The following WFDC1 variants were observed in gnomAD, a reference collection of about 807,000 sequenced individuals.
WFDC1 encodes WAP four-disulfide core domain 1.
In WFDC1, 39 loss-of-function variants were observed where a neutral mutation model predicts 32.9. That is an observed-to-expected ratio of 1.19 (90% CI 0.92 to 1.55). The LOEUF is 1.55. WFDC1 is among the 40% of genes most tolerant of loss of function. WFDC1 has a pLI of 0.00. For missense variants in WFDC1, 386 were observed against 309.5 expected (o/e 1.25, Z -1.85); for synonymous variants, 184 against 137.4 (o/e 1.34, Z -2.37).
rs747950638 is a variant in WFDC1, at chr16:84,311,384, A to ATTTTTTTTTTTTTTTTTTTT, written c.145-1569_145-1568insTTTTTTTTTTTTTTTTTTTT. 5.9e-5 allele frequency among the ~76,000 whole-genome samples: 7 copies of ATTTTTTTTTTTTTTTTTTTT among 118,344 alleles called. 1 individual carries two copies. Among genetic ancestry groups the ATTTTTTTTTTTTTTTTTTTT allele is most frequent in the East Asian group, 2.9e-4 (1 of 3,434 alleles). 77.6% of individuals were successfully genotyped at this position (118,344 alleles called of 152,430 possible). A position where few individuals can be genotyped will look rare whatever the true frequency, so the allele number is the denominator to read the frequency against. ...AGGTGCTCGCCACCACGCCCGGCTA[A>ATTTTTTTTTTTTTTTTTTTT]TTTTTTTTCTTTTTTTTGTATTTTT... On this transcript the variant is annotated intron_variant, in intron 1 of 6. Transcript: ENST00000219454.
rs1389329404 is a variant in WFDC1 at position 84,327,396 on chromosome 16, A to C, written c.*15+441A>C. 13 of 165,902 alleles carry C rather than the reference A, an allele frequency of 7.8e-5. 1 individual carries two copies. The South Asian group carries it at 2.0e-3, about 25-fold the overall frequency. 10.3% of individuals were successfully genotyped at this position (165,902 alleles called of 1,614,324 possible). A position where few individuals can be genotyped will look rare whatever the true frequency, so the allele number is the denominator to read the frequency against. ...GTATTTTTTGTAGAGATGAGTTCTC[A>C]CTATGTTACTCAGGCTGGTCTTGAA... On this transcript the variant is annotated intron_variant, in intron 6 of 6. Coordinates refer to ENST00000219454, the MANE Select transcript of WFDC1 (RefSeq NM_021197.4).
chr16:84,327,064 C>G, intron 6 of WFDC1, 109 bp downstream of exon 6: 16 of 1,035,116 alleles, frequency 1.5e-5, no homozygotes, highest in Non-Finnish European at 2.4e-5. Flanking sequence ...TAGCGCTTTC[C>G]CTACTGGTAG....
rs1327354930 is a variant in WFDC1 at position 84,303,651 on chromosome 16, G to A, written c.144+8536G>A. 2.6e-5 allele frequency among the ~76,000 whole-genome samples: 4 copies of A among 152,160 alleles called. No individual in the cohort carries two copies. In the East Asian group the frequency reaches 5.8e-4, roughly 22 times the overall value. Reference sequence around the variant, plus strand: ...CTCTTAGTGGTATTTTATTCGTACTGATTCAGATTTCTTTTATTGAAATGA... The same window carrying A: ...CTCTTAGTGGTATTTTATTCGTACTAATTCAGATTTCTTTTATTGAAATGA... On this transcript the variant is annotated intron_variant, in intron 1 of 6. Transcript: ENST00000219454.
chr16:84,312,815 G>C (rs1268668171), intron 1 of WFDC1, 146 bp from the exon 2 acceptor site: 4 of 337,764 alleles, frequency 1.2e-5, no homozygotes, highest in East Asian at 8.9e-5. Context: ...GCCCTCCGAG[G>C]CTGGCTCTGC....
chr16:84,306,458 C>T (rs1247324546), intron 1 of WFDC1, among the ~76,000 whole-genome samples: 1 of 152,182 alleles, frequency 6.6e-6, no homozygotes, highest in Non-Finnish European at 1.5e-5. Flanking sequence ...GCAGCGAATC[C>T]TCAGAAACTG....
intron 1 of WFDC1, among the ~76,000 whole-genome samples, chr16:84,310,166 C>T (rs1294196129): frequency 1.3e-5 from 2 of 151,542 alleles, no homozygotes; most frequent in Admixed American, 6.6e-5. Context: ...ATTAAGACAC[C>T]GAGAAAGAGT....
chr16:84,322,145 CTGTGTGTGTGTGTGCGTGTGTG>C (rs369553543), intron 4 of WFDC1, among the ~76,000 whole-genome samples: 13,648 of 109,400 alleles, frequency 0.12, 698 homozygotes, highest in Non-Finnish European at 0.15. Flanking sequence ...GCCTCAGAGC[CTGTGTGTGTGTGTGCGTGTGTG>C]TGTGTGTGTG....
rs1249987425 is a variant in WFDC1, at chr16:84,300,544, A to G, written c.144+5429A>G. Among the ~76,000 whole-genome samples the G allele has an allele frequency of 2.6e-5, 4 of 152,146 alleles. No homozygotes were observed. In the South Asian group the frequency reaches 6.2e-4, roughly 24 times the overall value. On this transcript the variant is annotated intron_variant, in intron 1 of 6. Transcript: ENST00000219454. ...CTGTGTCCCCCCAAAGATATATCCA[A>G]CCCCTAACTTCTGATCCTTGTGAAT... is the stretch of plus-strand genomic sequence containing the variant.
chr16:84,299,328 G>T (rs529121305), intron 1 of WFDC1, among the ~76,000 whole-genome samples: 91 of 151,890 alleles, frequency 6.0e-4, no homozygotes, highest in African/African-American at 2.1e-3. Flanking sequence ...TCGTGCCATT[G>T]GATTCCAGCC....
At chr16:84,299,560 A>G (rs1251431284) in intron 1 of WFDC1, among the ~76,000 whole-genome samples, 2 of 152,168 alleles carry the variant, frequency 1.3e-5, no homozygotes, top group East Asian at 1.9e-4. Flanking sequence ...CCTGAGAACA[A>G]TGATTTACTG....
intron 2 of WFDC1, 32 bp from the exon 3 acceptor site, chr16:84,318,240 G>A (rs1908073588): frequency 1.2e-6 from 2 of 1,611,238 alleles, no homozygotes; most frequent in African/African-American, 2.7e-5. Flanking sequence ...GCTGCTTGAG[G>A]AGGGCCCTGA....
At chr16:84,301,305 G>T (rs1567650554) in intron 1 of WFDC1, among the ~76,000 whole-genome samples, 1 of 152,204 alleles carries the variant, frequency 6.6e-6, no homozygotes, top group African/African-American at 2.4e-5. Flanking sequence ...AATACAGTCT[G>T]CTCTGGGCAT....
intron 1 of WFDC1, among the ~76,000 whole-genome samples, chr16:84,301,423 C>T (rs1483647252): frequency 6.6e-6 from 1 of 152,190 alleles, no homozygotes; most frequent in Non-Finnish European, 1.5e-5. Flanking sequence ...TGGCTGGGGA[C>T]AAGTGGGGCT....
intron 5 of WFDC1, chr16:84,326,413 T>G: frequency 6.1e-6 from 1 of 162,768 alleles, no homozygotes. Flanking sequence ...AGCAGAAAAT[T>G]CAGACATGAA....
chr16:84,312,918 G>C (rs1907719572), intron 1 of WFDC1, 43 bp from the exon 2 acceptor site: 2 of 1,134,378 alleles, frequency 1.8e-6, no homozygotes, highest in East Asian at 4.4e-5. Context: ...GCCGGGACTC[G>C]AACGCGCGCC....
intron 2 of WFDC1, chr16:84,316,286 A>G (rs1907943926): frequency 6.6e-6 from 1 of 152,222 alleles, no homozygotes; most frequent in Non-Finnish European, 1.5e-5. Context: ...CTTTACAGAA[A>G]AAGCTAACCA....
intron 2 of WFDC1, chr16:84,317,341 AAG>A (rs35224822): frequency 1.8e-4 from 23 of 125,304 alleles, no homozygotes; most frequent in Non-Finnish European, 2.7e-4. Context: ...AATAAATAAG[AAG>A]TAAATAAATA....
At chr16:84,297,635 A>C (rs1040259066) in intron 1 of WFDC1, among the ~76,000 whole-genome samples, 45 of 148,706 alleles carry the variant, frequency 3.0e-4, no homozygotes, top group South Asian at 1.8e-3. Flanking sequence ...AAAAAAAAAA[A>C]AAAAAAAAAA....
chr16:84,324,442 C>A lies in WFDC1; in HGVS notation c.586C>A (p.Leu196Ile). The A allele has an allele frequency of 6.2e-7, 1 of 1,613,724 alleles. No homozygotes were observed. Among genetic ancestry groups the A allele is most frequent in the Non-Finnish European group, 8.5e-7 (1 of 1,179,912 alleles). ...QADGRILRHK[L>I]YKEYPEGDSK... Reference sequence around the variant, plus strand: ...AGATGGGCGAATCCTACGACACAAACTTTACAAAGAATATCCAGGTAAAAG... The same window carrying A: ...AGATGGGCGAATCCTACGACACAAAATTTACAAAGAATATCCAGGTAAAAG... The change falls in exon 5 of 7, where the codon CTT (leucine) becomes ATT (isoleucine). Residue 196 changes from leucine (L) to isoleucine (I), a missense_variant. Coordinates refer to ENST00000219454, the MANE Select transcript of WFDC1 (RefSeq NM_021197.4).
Sources: gnomAD v4.1 joint callset for allele counts (sites outside exome capture counted in the v4.1 genomes callset) on GRCh38, gnomAD v4.1.1 for gene constraint, MANE v1.5 for transcripts, NCBI Gene and HGNC (gene_info 2026-07-23, HGNC 2026-07-21) for gene names.